TSPEAR: variants seen among roughly 807,000 people sequenced by gnomAD.
TSPEAR encodes the protein thrombospondin type laminin G domain and EAR repeats.
Under a neutral mutation model 71.6 loss-of-function variants are expected in TSPEAR, and 69 were observed. That is an observed-to-expected ratio of 0.96 (90% confidence interval 0.79 to 1.18). The LOEUF (loss-of-function observed/expected upper bound fraction) is 1.18. TSPEAR is among the 50% of genes most tolerant of loss of function. TSPEAR has a pLI of 0.00. For synonymous variants in TSPEAR, 402 were observed against 387.2 expected, an observed-to-expected ratio of 1.04 and a Z score of -0.45; for missense variants, 971 against 894.9, an observed-to-expected ratio of 1.09 and a Z score of -1.09.
rs782129000 is a variant in TSPEAR at position 44,550,876 on chromosome 21, A to G, written c.303+16909T>C. On this transcript the variant is annotated intron_variant, in intron 2 of 11. Coordinates refer to ENST00000323084, the MANE Select transcript of TSPEAR (RefSeq NM_144991.3). ...GAGCAAACAGGTACACAGCAGATGG[A>G]CTTGCAGCAGACAGGCTTGCAGCAG... The G allele has an allele frequency of 6.2e-7, 1 of 1,611,540 alleles. No individual in the cohort carries two copies.
Position 44,506,133 on chromosome 21 carries a change from G to A in TSPEAR, c.1755-1252C>T, listed in dbSNP as rs1342672770. ...CACAGATGTTCTCCTAGAAGCAGAA[G>A]CTGTTTCTTGTTGCAAACAAATTTG... On this transcript the variant is annotated intron_variant, in intron 10 of 11. Coordinates refer to ENST00000323084, the MANE Select transcript of TSPEAR (RefSeq NM_144991.3). The surrounding 1 kb of genome is among the most constrained non-coding windows in gnomAD (Gnocchi z 4.2). Among the ~76,000 whole-genome samples the A allele has an allele frequency of 6.6e-6, 1 of 152,238 alleles. No homozygotes were observed. Among genetic ancestry groups the A allele is most frequent in the Non-Finnish European group, 1.5e-5 (1 of 68,042 alleles).
At chr21:44,661,328 G>C (rs1370169816) in intron 1 of TSPEAR, among the ~76,000 whole-genome samples, 5 of 147,656 alleles carry the variant, frequency 3.4e-5, no homozygotes, top group African/African-American at 1.0e-4. Context: ...TGACTGTCCA[G>C]AGCAAAAATA....
rs962944268 is a variant in TSPEAR, at chr21:44,623,314, A to G, written c.83-55309T>C. Among the ~76,000 whole-genome samples, 1 of 152,160 alleles carries G rather than the reference A, an allele frequency of 6.6e-6. No individual in the cohort carries two copies. Among genetic ancestry groups the G allele is most frequent in the African/African-American group, 2.4e-5 (1 of 41,418 alleles). On this transcript the variant is annotated intron_variant, in intron 1 of 11. Coordinates refer to ENST00000323084, the MANE Select transcript of TSPEAR (RefSeq NM_144991.3). The surrounding 1 kb of genome is among the most constrained non-coding windows in gnomAD (Gnocchi z 4.5). ...GTGGAGATTACAACATGAATCTATGACTTTTTAAAGTCTAATGTAAATTAG... is the reference window on the plus strand; with the variant it reads ...GTGGAGATTACAACATGAATCTATGGCTTTTTAAAGTCTAATGTAAATTAG...
chr21:44,622,223 G>A (rs1241339557), intron 1 of TSPEAR, among the ~76,000 whole-genome samples: 1 of 152,208 alleles, frequency 6.6e-6, no homozygotes, highest in Non-Finnish European at 1.5e-5. Context: ...TGCTGTGCAG[G>A]ACTGGCAAGA....
intron 1 of TSPEAR, among the ~76,000 whole-genome samples, chr21:44,689,577 G>C (rs1987022466): frequency 6.6e-6 from 1 of 150,770 alleles, no homozygotes; most frequent in African/African-American, 2.4e-5. Flanking sequence ...AGGACAAGAT[G>C]CTTTGAAAAT....
At chr21:44,704,441 G>A (rs1442019456) in intron 1 of TSPEAR, among the ~76,000 whole-genome samples, 3 of 152,212 alleles carry the variant, frequency 2.0e-5, no homozygotes, top group Non-Finnish European at 4.4e-5. Flanking sequence ...ACCGTGCGGG[G>A]TGGCCCTGAC....
intron 1 of TSPEAR, among the ~76,000 whole-genome samples, chr21:44,616,204 G>A (rs1255879382): frequency 6.6e-6 from 1 of 152,234 alleles, no homozygotes; most frequent in East Asian, 1.9e-4. Context: ...AGCTGCCCCA[G>A]ATCCCTGCCA....
At chr21:44,672,988 T>C (rs1986135057) in intron 1 of TSPEAR, among the ~76,000 whole-genome samples, 1 of 152,226 alleles carries the variant, frequency 6.6e-6, no homozygotes, top group Non-Finnish European at 1.5e-5. Context: ...ATTAATCCTC[T>C]TTTCTTTATA....
intron 9 of TSPEAR, among the ~76,000 whole-genome samples, chr21:44,513,010 A>G (rs1477598204): frequency 6.6e-6 from 1 of 152,214 alleles, no homozygotes; most frequent in South Asian, 2.1e-4. Context: ...TCCCTGTTCA[A>G]TCTAAATTTC....
At chr21:44,658,091 G>T (rs782173625) in intron 1 of TSPEAR, 4 of 1,613,456 alleles carry the variant, frequency 2.5e-6, no homozygotes, top group East Asian at 2.2e-5. Flanking sequence ...GTGCATGCCC[G>T]TGAGCTGCAC....
At position 44,570,910 on chromosome 21, in the gene TSPEAR, C is replaced by T. The variant is rs782171484; in HGVS notation, c.83-2905G>A. On this transcript the variant is annotated intron_variant, in intron 1 of 11. Transcript: ENST00000323084. ...AAACCTCAGATAATGTGGACCAATTCCTTGATAGGCGCAAATACCAGAACT... is the reference window on the plus strand; with the variant it reads ...AAACCTCAGATAATGTGGACCAATTTCTTGATAGGCGCAAATACCAGAACT... 1.8e-4 allele frequency among the ~76,000 whole-genome samples: 27 copies of T among 152,242 alleles called. 1 individual carries two copies. Among genetic ancestry groups the T allele is most frequent in the Middle Eastern group, 6.8e-3 (2 of 292 alleles).
chr21:44,577,038 C>A (rs587701831), intron 1 of TSPEAR, among the ~76,000 whole-genome samples: 6 of 152,202 alleles, frequency 3.9e-5, no homozygotes, highest in African/African-American at 1.4e-4. Context: ...ACTTTAAGAT[C>A]TATGAGTAAA....
chr21:44,658,221 C>T, intron 1 of TSPEAR: 1 of 1,614,152 alleles, frequency 6.2e-7, no homozygotes, highest in Non-Finnish European at 8.5e-7. Context: ...CCCCCCTGCA[C>T]CACTGCCCTC....
At chr21:44,610,584 G>A (rs1380788986) in intron 1 of TSPEAR, among the ~76,000 whole-genome samples, 5 of 152,252 alleles carry the variant, frequency 3.3e-5, no homozygotes, top group East Asian at 1.9e-4. Flanking sequence ...TGCTACGGCA[G>A]TGCAGAAGGG....
intron 10 of TSPEAR, among the ~76,000 whole-genome samples, chr21:44,505,409 A>G (rs2052169798): frequency 4.0e-5 from 6 of 151,898 alleles, no homozygotes; most frequent in Admixed American, 3.9e-4. Context: ...AAATACATAT[A>G]ACATAACATT....
At chr21:44,549,566 A>G (rs1272363046) in intron 2 of TSPEAR, among the ~76,000 whole-genome samples, 1 of 152,330 alleles carries the variant, frequency 6.6e-6, no homozygotes, top group East Asian at 1.9e-4. Context: ...AGCTGTGGAG[A>G]AGTAAAGACT....
At chr21:44,709,913 C>T (rs1988130092) in intron 1 of TSPEAR, among the ~76,000 whole-genome samples, 1 of 152,262 alleles carries the variant, frequency 6.6e-6, no homozygotes, top group African/African-American at 2.4e-5. Flanking sequence ...TCTTTCCTCC[C>T]TGGTTCGTGG....
rs587625403 is a variant in TSPEAR at position 44,504,714 on chromosome 21, G to A, written c.1856+66C>T. The stretch of plus-strand genomic sequence containing the variant: ...GGAAGCAAGTCTCTTGGAGGAGGCC[G>A]GCCTCGGTGAGCCCACAGTGGGGAA... On this transcript the variant is annotated intron_variant, in intron 11 of 11. Coordinates refer to ENST00000323084, the MANE Select transcript of TSPEAR (RefSeq NM_144991.3). 1,757 of 919,172 alleles carry A rather than the reference G, an allele frequency of 1.9e-3. 3 individuals carry two copies. Among genetic ancestry groups the A allele is most frequent in the Non-Finnish European group, 2.7e-3 (1,557 of 568,046 alleles). The allele number at this position is 919,172 out of a possible 1,614,324, so 56.9% of individuals were successfully genotyped here.
chr21:44,682,214 C>T (rs1163256554), intron 1 of TSPEAR: 16 of 1,429,764 alleles, frequency 1.1e-5, no homozygotes, highest in African/African-American at 4.2e-5. Flanking sequence ...ACCCAGGCAT[C>T]CCCACAGCAC....
Sources: allele counts gnomAD v4.1 joint callset (sites outside exome capture counted in the v4.1 genomes callset), GRCh38; gene constraint gnomAD v4.1.1; non-coding constraint Gnocchi (gnomAD v3.1); transcripts MANE v1.5; gene names NCBI Gene and HGNC (gene_info 2026-07-23, HGNC 2026-07-21).